The following CACNA2D4 variants were observed in gnomAD, a reference collection of about 807,000 sequenced individuals.
CACNA2D4 encodes the protein calcium voltage-gated channel auxiliary subunit alpha2delta 4.
CACNA2D4 carries 157 observed loss-of-function variants against 163.8 expected under a neutral mutation model. That is an observed-to-expected ratio of 0.96 (90% confidence interval 0.84 to 1.09). The LOEUF (loss-of-function observed/expected upper bound fraction) is 1.09. Ranked by LOEUF, CACNA2D4 falls within the 50% of genes least tolerant of loss-of-function variation. The pLI, the probability that CACNA2D4 is intolerant of heterozygous loss-of-function variation, is 0.00. For missense variants in CACNA2D4, 1,410 were observed against 1,479.9 expected (o/e 0.95, Z 0.78); for synonymous variants, 598 against 586.9 (o/e 1.02, Z -0.27).
chr12:1,861,605 G>GCC (rs769035005), intron 18 of CACNA2D4, among the ~76,000 whole-genome samples: 2 of 152,048 alleles, frequency 1.3e-5, no homozygotes, highest in Non-Finnish European at 2.9e-5. Context: ...ACCACACCCA[G>GCC]TTAATTTTTG....
At chr12:1,797,622 C>T in intron 34 of CACNA2D4, 87 bp from the exon 35 acceptor site, 1 of 983,334 alleles carries the variant, frequency 1.0e-6, no homozygotes, top group Non-Finnish European at 1.6e-6. Flanking sequence ...CCAGAGTTCA[C>T]CCCAGTGCAT....
chr12:1,811,601 T>C, intron 27 of CACNA2D4, 61 bp downstream of exon 27: 1 of 1,486,178 alleles, frequency 6.7e-7, no homozygotes, highest in Non-Finnish European at 9.2e-7. Flanking sequence ...GGAGAGGGGG[T>C]CTCACACCCA....
intron 18 of CACNA2D4, among the ~76,000 whole-genome samples, chr12:1,865,835 A>G (rs532183866): frequency 1.3e-5 from 2 of 152,356 alleles, no homozygotes; most frequent in Admixed American, 1.3e-4. Flanking sequence ...GCTGCTATAT[A>G]TGCAAATAAC....
Position 1,798,596 on chromosome 12 carries a change from G to A in CACNA2D4, c.2996-1061C>T, listed in dbSNP as rs986041846. ...GGTTGAGTGGCGTCCCCAGGGTCAC[G>A]CAGTGGAAGGGGCTGCAGCACCTAC... On this transcript the variant is annotated intron_variant, in intron 34 of 37. Coordinates refer to ENST00000382722, the MANE Select transcript of CACNA2D4 (RefSeq NM_172364.5). The surrounding 1 kb of genome is among the most constrained non-coding windows in gnomAD (Gnocchi z 4.3). Among the ~76,000 whole-genome samples, 9 of 152,116 alleles carry A rather than the reference G, an allele frequency of 5.9e-5. No individual in the cohort carries two copies. The highest frequency in any genetic ancestry group is 1.0e-4 in the Non-Finnish European group (7 of 68,008).
At chr12:1,800,351 A>T in intron 32 of CACNA2D4, 35 bp downstream of exon 32, 1 of 1,610,092 alleles carries the variant, frequency 6.2e-7, no homozygotes, top group Non-Finnish European at 8.5e-7. Flanking sequence ...CCTCGCATGC[A>T]GCCCTCCACC....
rs771688057 is a variant in CACNA2D4, at chr12:1,917,868, G to A, written c.227+379C>T. 10 of 212,192 alleles carry A rather than the reference G, an allele frequency of 4.7e-5. No individual in the cohort carries two copies. Among genetic ancestry groups the A allele is most frequent in the South Asian group, 4.5e-4 (6 of 13,298 alleles). 13.1% of individuals were successfully genotyped at this position (212,192 alleles called of 1,614,324 possible). A position where few individuals can be genotyped will look rare whatever the true frequency, so the allele number is the denominator to read the frequency against. ...CCTGCCAAATGCTTCGGGGAGCTGCGATGCTGAGATAACCCGGCTCCTCCA... is the reference window on the plus strand; with the variant it reads ...CCTGCCAAATGCTTCGGGGAGCTGCAATGCTGAGATAACCCGGCTCCTCCA... On this transcript the variant is annotated intron_variant, in intron 1 of 37. Coordinates refer to ENST00000382722, the MANE Select transcript of CACNA2D4 (RefSeq NM_172364.5). This position sits in a 1 kb window ranked among gnomAD's most constrained non-coding sequence, Gnocchi z 4.3.
chr12:1,851,749 G>T (rs575587806), intron 23 of CACNA2D4, among the ~76,000 whole-genome samples: 1 of 140,234 alleles, frequency 7.1e-6, no homozygotes, highest in Non-Finnish European at 1.5e-5. Flanking sequence ...TTGATAATCA[G>T]TTTATCTAGA....
intron 18 of CACNA2D4, among the ~76,000 whole-genome samples, chr12:1,864,844 T>TG (rs1379619072): frequency 2.0e-5 from 3 of 152,230 alleles, no homozygotes; most frequent in Non-Finnish European, 4.4e-5. Flanking sequence ...AGGGAGTCGT[T>TG]GGCAGCTTTA....
At chr12:1,822,183 G>A (rs1255244380) in intron 26 of CACNA2D4, 2 of 152,308 alleles carry the variant, frequency 1.3e-5, no homozygotes, top group African/African-American at 4.8e-5. Context: ...TGGTGTCTTT[G>A]GGGTTTGACA....
At chr12:1,868,417 T>C (rs1297648220) in intron 18 of CACNA2D4, among the ~76,000 whole-genome samples, 3 of 151,544 alleles carry the variant, frequency 2.0e-5, no homozygotes, top group Non-Finnish European at 2.9e-5. Context: ...ATGGAATACA[T>C]AGAAACAGAG....
At chr12:1,853,546 C>G (rs755492400) in intron 23 of CACNA2D4, among the ~76,000 whole-genome samples, 4 of 152,126 alleles carry the variant, frequency 2.6e-5, no homozygotes, top group Non-Finnish European at 5.9e-5. Context: ...CACTCACACT[C>G]ACATGCCACT....
At chr12:1,861,008 A>G (rs1429377478) in intron 18 of CACNA2D4, among the ~76,000 whole-genome samples, 1 of 152,214 alleles carries the variant, frequency 6.6e-6, no homozygotes, top group Admixed American at 6.5e-5. Flanking sequence ...GGCTGCCGTG[A>G]GGGTGCATTC....
At chr12:1,817,460 G>A (rs528673748) in intron 26 of CACNA2D4, among the ~76,000 whole-genome samples, 119 of 152,000 alleles carry the variant, frequency 7.8e-4, no homozygotes, top group African/African-American at 2.8e-3. Context: ...GAAAGGAGAT[G>A]ACTCCCTCTC....
intron 6 of CACNA2D4, among the ~76,000 whole-genome samples, chr12:1,903,084 C>A (rs972244845): frequency 1.3e-4 from 19 of 151,926 alleles, no homozygotes; most frequent in African/African-American, 4.3e-4. Context: ...AACTCATTTT[C>A]TACAAAGGTG....
chr12:1,909,013 C>A (rs1022374002), intron 4 of CACNA2D4, among the ~76,000 whole-genome samples: 2 of 152,190 alleles, frequency 1.3e-5, no homozygotes, highest in Non-Finnish European at 2.9e-5. Context: ...CCTGCTCAAG[C>A]CTTCTGCACC....
intron 29 of CACNA2D4, among the ~76,000 whole-genome samples, chr12:1,805,157 G>A (rs915765541): frequency 6.6e-6 from 1 of 152,164 alleles, no homozygotes; most frequent in African/African-American, 2.4e-5. Flanking sequence ...CTGAACTCTG[G>A]GGCTGGGTCA....
chr12:1,906,632 G>A (rs1476908914), intron 6 of CACNA2D4, among the ~76,000 whole-genome samples: 3 of 152,178 alleles, frequency 2.0e-5, no homozygotes, highest in Non-Finnish European at 4.4e-5. Flanking sequence ...AGACAAGAGG[G>A]GCACGTGAAC....
At chr12:1,865,675 G>A (rs1367062031) in intron 18 of CACNA2D4, among the ~76,000 whole-genome samples, 1 of 152,208 alleles carries the variant, frequency 6.6e-6, no homozygotes, top group Non-Finnish European at 1.5e-5. Context: ...AGCAGCACCA[G>A]GGGCAGCCGG....
chr12:1,804,653 C>A (rs572303326), intron 29 of CACNA2D4, among the ~76,000 whole-genome samples: 127 of 152,374 alleles, frequency 8.3e-4, no homozygotes, highest in African/African-American at 2.6e-3. Context: ...TTCCCAGTAG[C>A]CCTTGCGGCA....
Sources: gnomAD v4.1 joint callset for allele counts (sites outside exome capture counted in the v4.1 genomes callset) on GRCh38, gnomAD v4.1.1 for gene constraint, Gnocchi (gnomAD v3.1) non-coding constraint, MANE v1.5 for transcripts, NCBI Gene and HGNC (gene_info 2026-07-23, HGNC 2026-07-21) for gene names.